LSAMP: variants seen among roughly 807,000 people sequenced by gnomAD.
LSAMP encodes the protein limbic system associated membrane protein.
Under a neutral mutation model 38.6 loss-of-function variants are expected in LSAMP, and 7 were observed. That is an observed-to-expected ratio of 0.18 (90% CI 0.10 to 0.34). The LOEUF is 0.34. Among genes scored for constraint, LSAMP ranks in the 10% least tolerant of loss-of-function variants. The pLI is 1.00. For synonymous variants in LSAMP, 154 were observed against 166.8 expected (o/e 0.92, Z 0.59); for missense variants, 313 against 420.0 (o/e 0.75, Z 2.23).
intron 1 of LSAMP, among the ~76,000 whole-genome samples, chr3:116,148,144 G>A (rs184447749): frequency 3.4e-5 from 5 of 146,790 alleles, no homozygotes; most frequent in Admixed American, 1.3e-4. Context: ...CATGAGGAAT[G>A]TTATCCAATT....
chr3:116,395,457 G>A (rs1223542649), intron 1 of LSAMP, among the ~76,000 whole-genome samples: 1 of 152,208 alleles, frequency 6.6e-6, no homozygotes, highest in Non-Finnish European at 1.5e-5. Context: ...GCTAAGGAAA[G>A]ACGGCTTATT....
intron 3 of LSAMP, among the ~76,000 whole-genome samples, chr3:116,012,012 A>C (rs1284866480): frequency 1.3e-5 from 2 of 152,224 alleles, no homozygotes; most frequent in Non-Finnish European, 2.9e-5. Flanking sequence ...CAACATTGGA[A>C]AGTCCATTGT....
At chr3:115,968,746 G>T (rs1026868327) in intron 3 of LSAMP, among the ~76,000 whole-genome samples, 2 of 152,170 alleles carry the variant, frequency 1.3e-5, no homozygotes, top group African/African-American at 4.8e-5. Context: ...GTGGGTCTGA[G>T]CTTAGCACAG....
chr3:116,041,759 A>G (rs1941174869), intron 2 of LSAMP, among the ~76,000 whole-genome samples: 1 of 150,744 alleles, frequency 6.6e-6, no homozygotes, highest in Non-Finnish European at 1.5e-5. Flanking sequence ...AAAGTCATAC[A>G]TATGTTTTGG....
intron 6 of LSAMP, among the ~76,000 whole-genome samples, chr3:115,818,807 T>C (rs1238335015): frequency 3.4e-5 from 4 of 117,196 alleles, no homozygotes; most frequent in African/African-American, 5.7e-5. Context: ...TATATATATA[T>C]ATATATATAT....
At chr3:115,950,091 A>G (rs955534532) in intron 3 of LSAMP, among the ~76,000 whole-genome samples, 1 of 152,204 alleles carries the variant, frequency 6.6e-6, no homozygotes, top group African/African-American at 2.4e-5. Flanking sequence ...GCTCAAGGTA[A>G]TAATAGTTAT....
intron 3 of LSAMP, among the ~76,000 whole-genome samples, chr3:115,855,203 G>T (rs1935468513): frequency 6.6e-6 from 1 of 152,206 alleles, no homozygotes. Flanking sequence ...GAGAGAGAAA[G>T]ATTATTTTTA....
intron 2 of LSAMP, among the ~76,000 whole-genome samples, chr3:116,029,047 A>G (rs1940859802): frequency 6.6e-6 from 1 of 152,076 alleles, no homozygotes; most frequent in African/African-American, 2.4e-5. Flanking sequence ...TCCTTTTTCC[A>G]AGAAAAAGCT....
chr3:116,148,730 G>T (rs1316828385), intron 1 of LSAMP, among the ~76,000 whole-genome samples: 1 of 151,954 alleles, frequency 6.6e-6, no homozygotes, highest in African/African-American at 2.4e-5. Context: ...AAATGCATCT[G>T]TCAGAGTAAT....
chr3:115,888,148 T>C (rs1936504264), intron 3 of LSAMP, among the ~76,000 whole-genome samples: 2 of 151,984 alleles, frequency 1.3e-5, no homozygotes, highest in African/African-American at 4.8e-5. Flanking sequence ...TAACTATTTA[T>C]ATATACAATT....
chr3:116,343,648 G>A (rs1342287814), intron 1 of LSAMP, among the ~76,000 whole-genome samples: 1 of 152,066 alleles, frequency 6.6e-6, no homozygotes, highest in Non-Finnish European at 1.5e-5. Context: ...CACTGATAGC[G>A]TGGGTCTCTG....
chr3:116,008,490 A>G (rs76464289), intron 3 of LSAMP, among the ~76,000 whole-genome samples: 9,522 of 152,298 alleles, frequency 0.063, 374 homozygotes, highest in Middle Eastern at 0.12. Flanking sequence ...CATTTTGCAG[A>G]TAAAGCTATT....
intron 1 of LSAMP, among the ~76,000 whole-genome samples, chr3:116,352,604 G>T (rs540829213): frequency 1.3e-5 from 2 of 152,200 alleles, no homozygotes; most frequent in Admixed American, 1.3e-4. Flanking sequence ...CACAGTAATA[G>T]TTCTTTTACC....
intron 3 of LSAMP, among the ~76,000 whole-genome samples, chr3:115,926,641 A>G (rs143087686): frequency 2.5e-3 from 377 of 152,298 alleles, no homozygotes; most frequent in African/African-American, 8.7e-3. Context: ...GAAATGCTCC[A>G]CAAGGATGCA....
At chr3:116,355,418 A>G (rs921682016) in intron 1 of LSAMP, among the ~76,000 whole-genome samples, 1 of 152,210 alleles carries the variant, frequency 6.6e-6, no homozygotes, top group African/African-American at 2.4e-5. Flanking sequence ...CCTGTCTCTC[A>G]CCATATACAA....
intron 1 of LSAMP, among the ~76,000 whole-genome samples, chr3:116,382,747 C>A (rs1298875813): frequency 6.6e-6 from 1 of 152,022 alleles, no homozygotes; most frequent in Non-Finnish European, 1.5e-5. Context: ...TTTAAAAAAT[C>A]TTTTAAAGTC....
intron 3 of LSAMP, among the ~76,000 whole-genome samples, chr3:115,869,798 G>A (rs916975964): frequency 1.3e-5 from 2 of 151,930 alleles, no homozygotes; most frequent in African/African-American, 2.4e-5. Flanking sequence ...CGTCTTTTCC[G>A]AACAAAAATC....
intron 1 of LSAMP, among the ~76,000 whole-genome samples, chr3:116,406,905 G>T (rs1207859232): frequency 2.0e-5 from 3 of 151,706 alleles, no homozygotes; most frequent in Non-Finnish European, 2.9e-5. Context: ...AAGAGAAAGC[G>T]CAAAGGAAGA....
rs138033243 is a variant in LSAMP at position 116,415,777 on chromosome 3, C to T, written c.155+29100G>A. Among the ~76,000 whole-genome samples, 1,203 of 152,136 alleles carry T rather than the reference C, an allele frequency of 7.9e-3. 11 individuals carry two copies. Among genetic ancestry groups the T allele is most frequent in the Non-Finnish European group, 0.011 (718 of 67,990 alleles). ...GCTGCTGATATTGAATTAACATAGG[C>T]CCTTGCAGAAAATGCAAATGAAAGA... On this transcript the variant is annotated intron_variant, in intron 1 of 6. Transcript: ENST00000490035.
Sources: gnomAD v4.1 joint callset for allele counts (sites outside exome capture counted in the v4.1 genomes callset) on GRCh38, gnomAD v4.1.1 for gene constraint, MANE v1.5 for transcripts, NCBI Gene and HGNC (gene_info 2026-07-23, HGNC 2026-07-21) for gene names.